ZC3H7A: variants seen among roughly 807,000 people sequenced by gnomAD.
ZC3H7A encodes zinc finger CCCH-type containing 7A.
ZC3H7A carries 44 observed loss-of-function variants against 125.5 expected under a neutral mutation model. The observed-to-expected ratio is 0.35, with a 90% confidence interval of 0.28 to 0.45. The LOEUF is 0.45. Among genes scored for constraint, ZC3H7A ranks in the 20% least tolerant of loss-of-function variants. The pLI is 1.00. For synonymous variants in ZC3H7A, 399 were observed against 391.2 expected (o/e 1.02, Z -0.23); for missense variants, 977 against 1,170.7 (o/e 0.83, Z 2.41).
intron 1 of ZC3H7A, among the ~76,000 whole-genome samples, chr16:11,786,187 G>A (rs2053254404): frequency 6.6e-6 from 1 of 152,176 alleles, no homozygotes; most frequent in Admixed American, 6.5e-5. Context: ...GATGACTTAA[G>A]GGACCACCGG....
At chr16:11,768,064 T>G (rs1373670092) in intron 12 of ZC3H7A, among the ~76,000 whole-genome samples, 1 of 152,146 alleles carries the variant, frequency 6.6e-6, no homozygotes, top group African/African-American at 2.4e-5. Context: ...TCAATAAGCT[T>G]CCAAAAATAG....
At chr16:11,753,253 T>G (rs8053801) in intron 21 of ZC3H7A, 108,962 of 166,328 alleles carry the variant, frequency 0.66, 38,202 homozygotes, top group African/African-American at 0.91. Flanking sequence ...CATCAGGAAT[T>G]TAAAGACACT....
chr16:11,752,977 G>A, intron 21 of ZC3H7A, 145 bp from the exon 22 acceptor site: 1 of 968,684 alleles, frequency 1.0e-6, no homozygotes, highest in Non-Finnish European at 1.5e-6. Context: ...CACAGCATGG[G>A]GAAGCAAGCC....
intron 15 of ZC3H7A, among the ~76,000 whole-genome samples, chr16:11,764,504 G>A (rs551897760): frequency 9.2e-5 from 14 of 151,940 alleles, no homozygotes; most frequent in African/African-American, 2.7e-4. Context: ...AGCTGAGATC[G>A]CGCCACTGCA....
intron 16 of ZC3H7A, chr16:11,762,982 C>A: frequency 2.2e-6 from 1 of 445,406 alleles, no homozygotes; most frequent in Non-Finnish European, 4.0e-6. Flanking sequence ...CAACTTGTAT[C>A]AGTAATTAAT....
chr16:11,781,649 TAC>T (rs1249115584), intron 2 of ZC3H7A, among the ~76,000 whole-genome samples, 185 bp from the exon 3 acceptor site: 2 of 84,846 alleles, frequency 2.4e-5, no homozygotes, highest in African/African-American at 9.3e-5. Flanking sequence ...AAAATACATA[TAC>T]ATATATATAT....
chr16:11,752,624 G>A, intron 22 of ZC3H7A, 45 bp downstream of exon 22: 10 of 1,579,372 alleles, frequency 6.3e-6, no homozygotes, highest in South Asian at 3.4e-5. Context: ...ATGAAAATTT[G>A]AGGTCAGCAA....
At chr16:11,770,646 T>C in intron 10 of ZC3H7A, 137 bp downstream of exon 10, 2 of 884,692 alleles carry the variant, frequency 2.3e-6, no homozygotes, top group South Asian at 1.8e-5. Flanking sequence ...AACTGAAGGC[T>C]TAGTCTTTAT....
At chr16:11,760,670 T>C (rs1001301453) in intron 19 of ZC3H7A, among the ~76,000 whole-genome samples, 6 of 152,232 alleles carry the variant, frequency 3.9e-5, no homozygotes, top group African/African-American at 1.2e-4. Flanking sequence ...GCTTACTACC[T>C]GTAGATGCTC....
intron 1 of ZC3H7A, chr16:11,796,591 G>C (rs958671470): frequency 6.5e-6 from 1 of 153,714 alleles, no homozygotes; most frequent in Admixed American, 6.5e-5. Flanking sequence ...GTCCTCCCGG[G>C]CGGCGCCCCC....
intron 6 of ZC3H7A, 28 bp from the exon 7 acceptor site, chr16:11,776,386 A>G: frequency 6.2e-7 from 1 of 1,608,514 alleles, no homozygotes; most frequent in Non-Finnish European, 8.5e-7. Flanking sequence ...CACTAATTTA[A>G]AAACAGAACT....
intron 9 of ZC3H7A, among the ~76,000 whole-genome samples, 195 bp downstream of exon 9, chr16:11,774,041 G>C (rs758732474): frequency 6.6e-6 from 1 of 151,470 alleles, no homozygotes; most frequent in Non-Finnish European, 1.5e-5. Flanking sequence ...CTAATTACTA[G>C]ATAGCATTCT....
chr16:11,780,020 C>CT (rs1253263071), intron 3 of ZC3H7A, among the ~76,000 whole-genome samples: 2 of 151,792 alleles, frequency 1.3e-5, no homozygotes, highest in African/African-American at 2.4e-5. Flanking sequence ...GGATGTTAAA[C>CT]TTTTTTCTTA....
In ZC3H7A at chr16:11,768,331, G is replaced by C. The variant is rs1361811830; in HGVS notation, c.1344C>G (p.Ile448Met). The change falls in exon 12 of 23, where the codon ATC becomes ATG. Residue 448 changes from isoleucine (I) to methionine (M), a missense_variant. Ile to Met is a conservative substitution (Grantham distance 10). Transcript: ENST00000355758. ...GTHELRQACQ[I>M]CFVKSGPKLM... ...GGTCCTGACCTGATTTTACAAAACA[G>C]ATCTGGCAAGCTTGTCTCAATTCAT... is the stretch of plus-strand genomic sequence containing the variant. 1.9e-6 allele frequency: 3 copies of C among 1,553,398 alleles called. No homozygotes were observed. Among genetic ancestry groups the C allele is most frequent in the Non-Finnish European group, 2.6e-6 (3 of 1,142,580 alleles).
intron 1 of ZC3H7A, among the ~76,000 whole-genome samples, chr16:11,792,143 A>G (rs1219530556): frequency 1.3e-5 from 2 of 152,204 alleles, no homozygotes; most frequent in Non-Finnish European, 2.9e-5. Context: ...TCCAGGCTCA[A>G]GCAATCCACC....
chr16:11,778,105 T>G (rs72782721), intron 4 of ZC3H7A, among the ~76,000 whole-genome samples: 3,041 of 150,622 alleles, frequency 0.02, 49 homozygotes, highest in Middle Eastern at 0.031. Context: ...GAAAATCTAG[T>G]GTGAATTCCT....
intron 9 of ZC3H7A, among the ~76,000 whole-genome samples, chr16:11,773,988 T>C (rs1305494904): frequency 6.6e-6 from 1 of 152,204 alleles, no homozygotes. Flanking sequence ...ATCTTTGCCC[T>C]TTCCATAATA....
intron 21 of ZC3H7A, 53 bp from the exon 22 acceptor site, chr16:11,752,885 A>C: frequency 6.4e-7 from 1 of 1,573,628 alleles, no homozygotes; most frequent in Admixed American, 1.9e-5. Flanking sequence ...TGAGATCCAG[A>C]CTCAATTCCA....
chr16:11,777,851 C>A (rs2053108330), intron 4 of ZC3H7A, among the ~76,000 whole-genome samples: 1 of 151,768 alleles, frequency 6.6e-6, no homozygotes, highest in Non-Finnish European at 1.5e-5. Flanking sequence ...GACACCCCGT[C>A]TCTACTAAAA....
Sources: allele counts gnomAD v4.1 joint callset (sites outside exome capture counted in the v4.1 genomes callset), GRCh38; gene constraint gnomAD v4.1.1; transcripts MANE v1.5; gene names NCBI Gene and HGNC (gene_info 2026-07-23, HGNC 2026-07-21).